MACROD2: variants seen among roughly 807,000 people sequenced by gnomAD.
The protein encoded by MACROD2 is mono-ADP ribosylhydrolase 2, also known as ADP-ribose glycohydrolase MACROD2.
A neutral mutation model predicts 70.4 loss-of-function variants in MACROD2; 36 were observed. The observed-to-expected ratio is 0.51, with a 90% CI of 0.39 to 0.68. MACROD2 has a LOEUF of 0.68. MACROD2 is among the 30% of genes least tolerant of loss of function. The probability of loss-of-function intolerance (pLI) is 0.00; values close to 1 mark genes in which losing one functional copy is unlikely to be tolerated. For synonymous variants in MACROD2, 172 were observed against 178.8 expected (o/e 0.96, Z 0.30); for missense variants, 496 against 538.4 (o/e 0.92, Z 0.78).
At chr20:15,375,065 T>A (rs1265822327) in intron 6 of MACROD2, among the ~76,000 whole-genome samples, 1 of 152,224 alleles carries the variant, frequency 6.6e-6, no homozygotes, top group Non-Finnish European at 1.5e-5. Flanking sequence ...CTCTTGCATT[T>A]TGCAAAATAT....
rs533852966 is a variant in MACROD2 at position 15,945,586 on chromosome 20, T to C, written c.907+8042T>C. The stretch of plus-strand genomic sequence containing the variant: ...TGTGTTTTTAATAGATGTTGCCAAA[T>C]TGCTTTCCCAATAGGCTATAGCAAT... On this transcript the variant is annotated intron_variant, in intron 12 of 17. Transcript: ENST00000684519. Among the ~76,000 whole-genome samples, 28 of 152,360 alleles carry C rather than the reference T, an allele frequency of 1.8e-4. No homozygotes were observed. The South Asian group carries it at 5.6e-3, about 30-fold the overall frequency.
intron 5 of MACROD2, among the ~76,000 whole-genome samples, chr20:14,940,470 CT>C (rs1555853251): frequency 1.3e-5 from 2 of 152,134 alleles, no homozygotes; most frequent in Non-Finnish European, 2.9e-5. Flanking sequence ...GCATCCTTGT[CT>C]TGTTCTAGAT....
At chr20:15,555,658 C>T (rs1003393674) in intron 8 of MACROD2, among the ~76,000 whole-genome samples, 9 of 151,604 alleles carry the variant, frequency 5.9e-5, no homozygotes, top group Non-Finnish European at 1.0e-4. Context: ...CAGCACAACA[C>T]GGTGAAACCC....
chr20:15,178,800 G>A (rs1601183635), intron 5 of MACROD2, among the ~76,000 whole-genome samples: 1 of 152,226 alleles, frequency 6.6e-6, no homozygotes, highest in Admixed American at 6.5e-5. Flanking sequence ...AAGGTCCCTG[G>A]CATTGCAATG....
intron 5 of MACROD2, among the ~76,000 whole-genome samples, chr20:14,880,297 T>G (rs1372260286): frequency 6.6e-6 from 1 of 152,190 alleles, no homozygotes; most frequent in African/African-American, 2.4e-5. Flanking sequence ...CAAAATCAAT[T>G]TTATCTTCTG....
intron 4 of MACROD2, among the ~76,000 whole-genome samples, chr20:14,520,969 A>ACG (rs2085162291): frequency 1.0e-5 from 1 of 98,908 alleles, no homozygotes; most frequent in Non-Finnish European, 2.0e-5. Flanking sequence ...ACACACACAC[A>ACG]CACACGCACA....
chr20:15,829,167 G>A (rs1232981425), intron 8 of MACROD2, among the ~76,000 whole-genome samples: 4 of 151,824 alleles, frequency 2.6e-5, no homozygotes, highest in African/African-American at 7.3e-5. Context: ...TACAGGAAAA[G>A]GATATTACTG....
chr20:14,375,573 A>T (rs2083363824), intron 3 of MACROD2, among the ~76,000 whole-genome samples: 1 of 151,986 alleles, frequency 6.6e-6, no homozygotes, highest in African/African-American at 2.4e-5. Flanking sequence ...AGCAAAGAAG[A>T]TGGGGGTTGG....
At chr20:14,576,286 CA>C (rs1980594963) in intron 4 of MACROD2, among the ~76,000 whole-genome samples, 1 of 152,168 alleles carries the variant, frequency 6.6e-6, no homozygotes, top group Non-Finnish European at 1.5e-5. Context: ...CCAGTAGCAA[CA>C]GAGCTGCCAC....
chr20:14,800,812 A>G (rs1246116070), intron 5 of MACROD2, among the ~76,000 whole-genome samples: 1 of 150,886 alleles, frequency 6.6e-6, no homozygotes, highest in Non-Finnish European at 1.5e-5. Flanking sequence ...AATTGAAAAA[A>G]TCTCAGCCTA....
intron 8 of MACROD2, among the ~76,000 whole-genome samples, chr20:15,696,276 C>T (rs2050369954): frequency 6.6e-6 from 1 of 152,120 alleles, no homozygotes; most frequent in Admixed American, 6.6e-5. Flanking sequence ...TTGTGGAATG[C>T]TTGTTCTGCA....
intron 5 of MACROD2, among the ~76,000 whole-genome samples, chr20:14,701,655 G>A (rs2071198141): frequency 6.6e-6 from 1 of 152,134 alleles, no homozygotes; most frequent in Admixed American, 6.6e-5. Context: ...AGGACTTGCT[G>A]CTGCAGATGA....
intron 5 of MACROD2, among the ~76,000 whole-genome samples, chr20:15,228,083 C>T (rs1015376868): frequency 1.3e-5 from 2 of 151,948 alleles, no homozygotes; most frequent in African/African-American, 4.8e-5. Flanking sequence ...AACTAAAGTA[C>T]AATATTCATA....
At chr20:15,407,454 C>T (rs1285962475) in intron 6 of MACROD2, among the ~76,000 whole-genome samples, 1 of 152,190 alleles carries the variant, frequency 6.6e-6, no homozygotes, top group Non-Finnish European at 1.5e-5. Context: ...AAATAAGATA[C>T]TTTTTCCAAA....
chr20:15,454,444 CA>C (rs2046691826), intron 7 of MACROD2, among the ~76,000 whole-genome samples: 2 of 117,676 alleles, frequency 1.7e-5, no homozygotes, highest in African/African-American at 5.5e-5. Flanking sequence ...CACACACACA[CA>C]CACACACACC....
At chr20:15,639,671 G>T (rs2049424872) in intron 8 of MACROD2, among the ~76,000 whole-genome samples, 1 of 152,136 alleles carries the variant, frequency 6.6e-6, no homozygotes, top group African/African-American at 2.4e-5. Flanking sequence ...ACCAATGATG[G>T]GTATCTCTCC....
At position 14,031,247 on chromosome 20, in the gene MACROD2, C is replaced by G. The variant is rs1048203674; in HGVS notation, c.163+28843C>G. ...TTCTCTCTCTGTGAGACAGATCTCT[C>G]TAGATTTCTCTGGTTTTATTTCTGA... On this transcript the variant is annotated intron_variant, in intron 2 of 17. Coordinates refer to ENST00000684519, the MANE Select transcript of MACROD2 (RefSeq NM_001351661.2). Among the ~76,000 whole-genome samples, 8 of 152,234 alleles carry G rather than the reference C, an allele frequency of 5.3e-5. No individual in the cohort carries two copies. The South Asian group carries it at 1.7e-3, about 32-fold the overall frequency.
At chr20:15,961,732 C>G (rs1286228152) in intron 12 of MACROD2, among the ~76,000 whole-genome samples, 1 of 152,236 alleles carries the variant, frequency 6.6e-6, no homozygotes, top group Non-Finnish European at 1.5e-5. Flanking sequence ...CACTTGTACT[C>G]TCCCAGATTT....
At chr20:15,879,014 CA>C (rs1329665740) in intron 9 of MACROD2, among the ~76,000 whole-genome samples, 1 of 152,076 alleles carries the variant, frequency 6.6e-6, no homozygotes, top group African/African-American at 2.4e-5. Flanking sequence ...AAATTAACAT[CA>C]AAGAGGTCCC....
Sources: gnomAD v4.1 joint callset for allele counts (sites outside exome capture counted in the v4.1 genomes callset) on GRCh38, gnomAD v4.1.1 for gene constraint, MANE v1.5 for transcripts, NCBI Gene and HGNC (gene_info 2026-07-23, HGNC 2026-07-21) for gene names.